Variants in VAT1L observed in about 807,000 individuals in gnomAD.
VAT1L encodes the protein vesicle amine transport 1 like, also known as putative NADPH-dependent quinone oxidoreductase VAT1L.
A neutral mutation model predicts 44.1 loss-of-function variants in VAT1L; 34 were observed. The observed-to-expected ratio is 0.77, with a 90% CI of 0.59 to 1.03. The LOEUF (loss-of-function observed/expected upper bound fraction) is 1.03. Ranked by LOEUF, VAT1L falls within the 50% of genes least tolerant of loss-of-function variation. VAT1L has a pLI of 0.00. For missense variants in VAT1L, 615 were observed against 538.8 expected (o/e 1.14, Z -1.40); for synonymous variants, 253 against 202.2 (o/e 1.25, Z -2.13).
intron 7 of VAT1L, among the ~76,000 whole-genome samples, chr16:77,937,556 T>C (rs1026200023): frequency 1.1e-4 from 16 of 152,114 alleles, no homozygotes; most frequent in African/African-American, 3.9e-4. Context: ...TGGCTGCTTA[T>C]AGTTAGAAGA....
chr16:77,928,573 A>G (rs2017694605), intron 7 of VAT1L, among the ~76,000 whole-genome samples: 1 of 152,162 alleles, frequency 6.6e-6, no homozygotes, highest in African/African-American at 2.4e-5. Context: ...ATTTCCTCTT[A>G]AATAAGGCAT....
At chr16:77,925,045 G>A (rs2017651089) in intron 7 of VAT1L, among the ~76,000 whole-genome samples, 1 of 152,156 alleles carries the variant, frequency 6.6e-6, no homozygotes, top group East Asian at 1.9e-4. Context: ...GAACATGGGT[G>A]GTCCGTTATG....
intron 3 of VAT1L, among the ~76,000 whole-genome samples, chr16:77,834,748 G>T (rs2016620260): frequency 6.6e-6 from 1 of 152,078 alleles, no homozygotes; most frequent in South Asian, 2.1e-4. Context: ...CCTACCATGT[G>T]TTAGGCTTTT....
At chr16:77,937,709 A>C (rs955383133) in intron 7 of VAT1L, among the ~76,000 whole-genome samples, 1 of 152,206 alleles carries the variant, frequency 6.6e-6, no homozygotes, top group Non-Finnish European at 1.5e-5. Context: ...GAGTTTTGCC[A>C]GGGGGCCCTT....
intron 7 of VAT1L, among the ~76,000 whole-genome samples, chr16:77,936,354 C>T (rs191098436): frequency 6.6e-6 from 1 of 152,274 alleles, no homozygotes; most frequent in East Asian, 1.9e-4. Flanking sequence ...CCCAGGATGA[C>T]TACAGTGAGT....
intron 7 of VAT1L, among the ~76,000 whole-genome samples, chr16:77,962,739 A>AAGGAAG (rs1567523608): frequency 0.019 from 2,466 of 129,360 alleles, 57 homozygotes; most frequent in South Asian, 0.037. Context: ...AAAGAAGGAA[A>AAGGAAG]GAAGGAAGGA....
chr16:77,914,516 A>G (rs559004538), intron 7 of VAT1L, among the ~76,000 whole-genome samples: 2 of 152,240 alleles, frequency 1.3e-5, no homozygotes, highest in South Asian at 4.1e-4. Flanking sequence ...GATGAAAGAA[A>G]GTAATGGAAA....
chr16:77,927,362 G>T (rs7500920), intron 7 of VAT1L, among the ~76,000 whole-genome samples: 3 of 151,226 alleles, frequency 2.0e-5, no homozygotes, highest in Non-Finnish European at 4.4e-5. Flanking sequence ...ACACTGTTGG[G>T]AGGGCTTTGC....
chr16:77,959,092 G>A lies in VAT1L; in HGVS notation c.1078-12758G>A, dbSNP rs185888995. 2.5e-3 allele frequency among the ~76,000 whole-genome samples: 380 copies of A among 152,268 alleles called. 2 individuals carry two copies. Among genetic ancestry groups the A allele is most frequent in the African/African-American group, 8.4e-3 (350 of 41,562 alleles). On this transcript the variant is annotated intron_variant, in intron 7 of 8. Transcript: ENST00000302536. ...CTGCACTTGTGTGACTCAGAGAATG[G>A]CCACCTCCTTAAATTTTGCACGCCA...
At chr16:77,944,730 G>T (rs1167993468) in intron 7 of VAT1L, among the ~76,000 whole-genome samples, 2 of 152,100 alleles carry the variant, frequency 1.3e-5, no homozygotes, top group African/African-American at 4.8e-5. Flanking sequence ...AGCTCAAATA[G>T]ATATTTTCAT....
intron 2 of VAT1L, among the ~76,000 whole-genome samples, chr16:77,822,351 C>T (rs555985029): frequency 6.6e-6 from 1 of 152,106 alleles, no homozygotes; most frequent in Non-Finnish European, 1.5e-5. Flanking sequence ...TCAGGCTGGG[C>T]TTGAACTCCC....
chr16:77,842,532 C>G (rs1466575669), intron 3 of VAT1L, among the ~76,000 whole-genome samples: 1 of 152,114 alleles, frequency 6.6e-6, no homozygotes, highest in Non-Finnish European at 1.5e-5. Context: ...TAGCAGAGTT[C>G]TTAAATAGGA....
At chr16:77,975,236 G>C (rs1360455528) in intron 8 of VAT1L, among the ~76,000 whole-genome samples, 1 of 68,142 alleles carries the variant, frequency 1.5e-5, no homozygotes, top group African/African-American at 6.1e-5. Context: ...TTTAAAGACA[G>C]TCTCATTCTG....
At chr16:77,976,096 GGTTA>G (rs1355326435) in intron 8 of VAT1L, among the ~76,000 whole-genome samples, 2 of 152,344 alleles carry the variant, frequency 1.3e-5, no homozygotes, top group African/African-American at 4.8e-5. Flanking sequence ...CAGCTTAGCT[GGTTA>G]GTTCTTCATT....
In VAT1L at chr16:77,979,900, G is replaced by C. The variant is rs578110122; in HGVS notation, c.*2205G>C. ...TTAAGCACCTTCTTTCCTGTCTCTT[G>C]ATTGTTTTTTCTGAAGGAAGTGTAA... is the stretch of plus-strand genomic sequence containing the variant. On this transcript the variant is annotated 3_prime_UTR_variant, in exon 9 of 9. Transcript: ENST00000302536. 6.6e-6 allele frequency: 1 copy of C among 152,560 alleles called. No individual in the cohort carries two copies. Among genetic ancestry groups the C allele is most frequent in the Admixed American group, 6.5e-5 (1 of 15,280 alleles). 9.5% of individuals were successfully genotyped at this position (152,560 alleles called of 1,614,324 possible).
Position 77,865,570 on chromosome 16 carries a change from A to T in VAT1L, c.722+2680A>T, listed in dbSNP as rs551442505. Among the ~76,000 whole-genome samples the T allele has an allele frequency of 3.9e-5, 6 of 152,256 alleles. No individual in the cohort carries two copies. In the East Asian group the frequency reaches 1.2e-3, roughly 29 times the overall value. On this transcript the variant is annotated intron_variant, in intron 4 of 8. Coordinates refer to ENST00000302536, the MANE Select transcript of VAT1L (RefSeq NM_020927.3). ...CTATAAAGAGAAATAACTGATTCAC[A>T]TTTTCGACATGTGCTCTGGTAGTGA...
chr16:77,928,764 T>TC (rs1215876998), intron 7 of VAT1L, among the ~76,000 whole-genome samples: 1 of 151,714 alleles, frequency 6.6e-6, no homozygotes, highest in Non-Finnish European at 1.5e-5. Context: ...AGAATTTTTT[T>TC]TTTAAATGAC....
chr16:77,952,857 A>T (rs1218543575), intron 7 of VAT1L, among the ~76,000 whole-genome samples: 1 of 82,782 alleles, frequency 1.2e-5, no homozygotes, highest in Non-Finnish European at 3.8e-5. Context: ...ACTCCATTTA[A>T]AAAAAAAAAA....
intron 7 of VAT1L, among the ~76,000 whole-genome samples, chr16:77,950,709 A>G (rs1403334624): frequency 1.3e-5 from 2 of 152,156 alleles, no homozygotes; most frequent in Non-Finnish European, 2.9e-5. Flanking sequence ...GCTTTTAAAT[A>G]TTGAATAACA....
Sources: gnomAD v4.1 joint callset for allele counts (sites outside exome capture counted in the v4.1 genomes callset) on GRCh38, gnomAD v4.1.1 for gene constraint, MANE v1.5 for transcripts, NCBI Gene and HGNC (gene_info 2026-07-23, HGNC 2026-07-21) for gene names.